Variants in CAMK2G observed in about 807,000 individuals in gnomAD.
CAMK2G encodes the protein calcium/calmodulin-dependent protein kinase type II subunit gamma.
CAMK2G carries 23 observed loss-of-function variants against 88.7 expected under a neutral mutation model. The observed-to-expected ratio is 0.26, with a 90% CI of 0.19 to 0.37. The LOEUF (loss-of-function observed/expected upper bound fraction) is 0.37. CAMK2G is among the 10% of genes least tolerant of loss of function. The pLI, the probability that CAMK2G is intolerant of heterozygous loss-of-function variation, is 1.00. For synonymous variants in CAMK2G, 263 were observed against 294.8 expected (o/e 0.89, Z 1.11); for missense variants, 476 against 780.8 (o/e 0.61, Z 4.65).
At chr10:73,844,345 T>A (rs568835850) in intron 10 of CAMK2G, among the ~76,000 whole-genome samples, 3 of 152,012 alleles carry the variant, frequency 2.0e-5, no homozygotes, top group African/African-American at 7.2e-5. Flanking sequence ...CCTACCCTGG[T>A]CTCCCAAAGT....
intron 5 of CAMK2G, among the ~76,000 whole-genome samples, chr10:73,851,334 C>T (rs2094598284): frequency 6.6e-6 from 1 of 152,126 alleles, no homozygotes; most frequent in South Asian, 2.1e-4. Flanking sequence ...GAACAGGCGC[C>T]TGAGAGCGTG....
intron 22 of CAMK2G, chr10:73,814,777 A>C: frequency 1.8e-6 from 1 of 549,546 alleles, no homozygotes; most frequent in Non-Finnish European, 3.3e-6. Flanking sequence ...CAGTTTAGGG[A>C]GGGGAAGTAA....
chr10:73,870,940 C>T (rs2135958287), intron 2 of CAMK2G, among the ~76,000 whole-genome samples: 1 of 152,278 alleles, frequency 6.6e-6, no homozygotes, highest in South Asian at 2.1e-4. Flanking sequence ...CCTCCATCTC[C>T]AAGACAGCCC....
chr10:73,830,302 C>T lies in CAMK2G; in HGVS notation c.1054-2181G>A, dbSNP rs2092217049. 3.3e-5 allele frequency among the ~76,000 whole-genome samples: 5 copies of T among 152,230 alleles called. No homozygotes were observed. In the South Asian group the frequency reaches 1.0e-3, roughly 32 times the overall value. On this transcript the variant is annotated intron_variant, in intron 14 of 22. Coordinates refer to ENST00000423381, the MANE Select transcript of CAMK2G (RefSeq NM_001367534.1). ...TTTATTATTTTTTTAGAGATAAGGT[C>T]TTGCTCTATTGCCCGGGCTGAAGTA...
chr10:73,870,939 C>G (rs1455067613), intron 2 of CAMK2G, among the ~76,000 whole-genome samples: 4 of 152,180 alleles, frequency 2.6e-5, no homozygotes, highest in African/African-American at 9.7e-5. Context: ...CCCTCCATCT[C>G]CAAGACAGCC....
intron 10 of CAMK2G, among the ~76,000 whole-genome samples, chr10:73,844,975 T>C (rs1201286232): frequency 6.6e-6 from 1 of 152,184 alleles, no homozygotes; most frequent in Non-Finnish European, 1.5e-5. Flanking sequence ...CTGGGTCTTC[T>C]GGAAGGTCTC....
chr10:73,815,015 T>C lies in CAMK2G; in HGVS notation c.1767A>G (p.Ter589TrpextTer7). 1 of 1,609,636 alleles carries C rather than the reference T, an allele frequency of 6.2e-7. No homozygotes were observed. The highest frequency in any genetic ancestry group is 1.7e-5 in the Admixed American group (1 of 59,980). The change falls in exon 22 of 23, where the codon TGA becomes TGG. Residue 589 changes from the stop codon to tryptophan, a stop_lost. Coordinates refer to ENST00000423381, the MANE Select transcript of CAMK2G (RefSeq NM_001367534.1). ...CAACCAGGTGCACCTGTGGCTGAGC[T>C]CACTGCAGCGGTGCGGCAGGGGCCC... ...CSGAPAAPLQ[*>W] is the part of the protein sequence containing the mutation.
intron 21 of CAMK2G, 70 bp from the exon 22 acceptor site, chr10:73,815,317 C>T: frequency 1.0e-6 from 1 of 1,004,084 alleles, no homozygotes; most frequent in Non-Finnish European, 1.5e-6. Flanking sequence ...CCAGCCTGCA[C>T]TTCCAAGTCT....
At position 73,834,409 on chromosome 10, in the gene CAMK2G, A is replaced by G. The variant is rs150693711; in HGVS notation, c.1053+3059T>C. ...GGCATAAAACTCATTTACTGAGCAC[A>G]TATCAGGGTCAGACACACAACACAT... On this transcript the variant is annotated intron_variant, in intron 14 of 22. Transcript: ENST00000423381. Among the ~76,000 whole-genome samples, 40 of 152,322 alleles carry G rather than the reference A, an allele frequency of 2.6e-4. No individual in the cohort carries two copies. The East Asian group carries it at 6.4e-3, about 24-fold the overall frequency.
At chr10:73,815,369 G>GCC (rs57601302) in intron 21 of CAMK2G, 122 bp from the exon 22 acceptor site, 7,063 of 627,346 alleles carry the variant, frequency 0.011, 28 homozygotes, top group Middle Eastern at 0.026. Context: ...TCCAAGTACC[G>GCC]CCCCCCCCCA....
rs941839888 is a variant in CAMK2G at position 73,839,621 on chromosome 10, C to T, written c.947-20G>A. 2.4e-6 allele frequency: 3 copies of T among 1,225,090 alleles called. No homozygotes were observed. The highest frequency in any genetic ancestry group is 2.0e-6 in the Non-Finnish European group (2 of 980,166). The allele number at this position is 1,225,090 out of a possible 1,614,324, so 75.9% of individuals were successfully genotyped here. A position where few individuals can be genotyped will look rare whatever the true frequency, so the allele number is the denominator to read the frequency against. On this transcript the variant is annotated intron_variant, in intron 12 of 22. Transcript: ENST00000423381. The surrounding 1 kb of genome is among the most constrained non-coding windows in gnomAD (Gnocchi z 4.2). ...TGCCAACTGAGGGGATACAGTCTCT[C>T]AGTGCACAGAGCCCCGCAAAGCCAC...
chr10:73,872,018 C>A (rs954037290), intron 2 of CAMK2G, among the ~76,000 whole-genome samples: 5 of 152,332 alleles, frequency 3.3e-5, no homozygotes, highest in Admixed American at 3.3e-4. Context: ...TGGCATCCTA[C>A]TGCCCAGCCC....
chr10:73,829,079 T>G (rs1289685005), intron 14 of CAMK2G, among the ~76,000 whole-genome samples: 1 of 152,206 alleles, frequency 6.6e-6, no homozygotes, highest in East Asian at 1.9e-4. Flanking sequence ...TGAGGGCTGT[T>G]TCAGGTAAAC....
chr10:73,859,469 T>C (rs182864122), intron 3 of CAMK2G, among the ~76,000 whole-genome samples: 1 of 152,376 alleles, frequency 6.6e-6, no homozygotes, highest in Admixed American at 6.5e-5. Context: ...ACATGCCTAA[T>C]CTGTGACTGC....
rs2095918403 is a variant in CAMK2G, at chr10:73,873,488, T to C, written c.66-405A>G. On this transcript the variant is annotated intron_variant, in intron 1 of 22. Coordinates refer to ENST00000423381, the MANE Select transcript of CAMK2G (RefSeq NM_001367534.1). Reference sequence around the variant, plus strand: ...TTCTCTCAGCAGGAACAGTTGAAGGTCGGGGAAGGAAAGATTAAAAAGAGG... The same window carrying C: ...TTCTCTCAGCAGGAACAGTTGAAGGCCGGGGAAGGAAAGATTAAAAAGAGG... 3 of 1,028,490 alleles carry C rather than the reference T, an allele frequency of 2.9e-6. No homozygotes were observed. In the South Asian group the frequency reaches 1.2e-4, roughly 40 times the overall value. 63.7% of individuals were successfully genotyped at this position (1,028,490 alleles called of 1,614,324 possible). A position where few individuals can be genotyped will look rare whatever the true frequency, so the allele number is the denominator to read the frequency against.
chr10:73,845,709 C>G (rs1402902235), intron 10 of CAMK2G, among the ~76,000 whole-genome samples: 2 of 152,058 alleles, frequency 1.3e-5, no homozygotes, highest in African/African-American at 2.4e-5. Context: ...TTTGCTCCCC[C>G]CAAATCCAAC....
At chr10:73,825,705 T>C (rs764590213) in intron 15 of CAMK2G, among the ~76,000 whole-genome samples, 1 of 152,164 alleles carries the variant, frequency 6.6e-6, no homozygotes, top group Non-Finnish European at 1.5e-5. Flanking sequence ...GGGTAGTTTA[T>C]AAGAAAGCAG....
chr10:73,815,383 C>G, intron 21 of CAMK2G, 136 bp from the exon 22 acceptor site: 2 of 639,868 alleles, frequency 3.1e-6, no homozygotes, highest in South Asian at 1.9e-5. Flanking sequence ...CCCCCCACCC[C>G]CGAACCCCTG....
intron 3 of CAMK2G, among the ~76,000 whole-genome samples, chr10:73,854,876 T>TTACCTACAC (rs2094912476): frequency 6.6e-6 from 1 of 152,084 alleles, no homozygotes; most frequent in Non-Finnish European, 1.5e-5. Context: ...CCGCATCCCA[T>TTACCTACAC]TACCTACACT....
Sources: gnomAD v4.1 joint callset for allele counts (sites outside exome capture counted in the v4.1 genomes callset) on GRCh38, gnomAD v4.1.1 for gene constraint, Gnocchi (gnomAD v3.1) non-coding constraint, MANE v1.5 for transcripts, NCBI Gene and HGNC (gene_info 2026-07-23, HGNC 2026-07-21) for gene names.